ITGA9: variants seen among roughly 807,000 people sequenced by gnomAD.
ITGA9 encodes integrin alpha-9.
In ITGA9, 56 loss-of-function variants were observed where a neutral mutation model predicts 127.8. The ratio of observed to expected loss-of-function variants is 0.44; its 90% confidence interval spans 0.35 to 0.55. ITGA9 has a LOEUF of 0.55. Among genes scored for constraint, ITGA9 ranks in the 20% least tolerant of loss-of-function variants. ITGA9 has a pLI of 0.00. For synonymous variants in ITGA9, 508 were observed against 514.5 expected (o/e 0.99, Z 0.17); for missense variants, 1,196 against 1,347.1 (o/e 0.89, Z 1.76).
intron 26 of ITGA9, among the ~76,000 whole-genome samples, chr3:37,791,368 T>C (rs561215542): frequency 6.6e-6 from 1 of 152,312 alleles, no homozygotes. Flanking sequence ...CTGAGGTCTT[T>C]GGTGACAGCT....
At chr3:37,730,990 G>A (rs181624330) in intron 18 of ITGA9, among the ~76,000 whole-genome samples, 1 of 152,310 alleles carries the variant, frequency 6.6e-6, no homozygotes, top group East Asian at 1.9e-4. Context: ...TTGCAGTGGG[G>A]ACAGACATAT....
chr3:37,777,131 T>C (rs547351221), intron 23 of ITGA9, among the ~76,000 whole-genome samples: 1 of 152,322 alleles, frequency 6.6e-6, no homozygotes, highest in East Asian at 1.9e-4. Context: ...GTCTTCCTAT[T>C]TCCTAGTCAC....
At chr3:37,702,612 C>G (rs560073468) in intron 18 of ITGA9, among the ~76,000 whole-genome samples, 94 of 152,146 alleles carry the variant, frequency 6.2e-4, no homozygotes, top group African/African-American at 2.2e-3. Context: ...TGGCTGCTCT[C>G]TGGGGTTAAG....
At chr3:37,545,988 C>T (rs144082101) in intron 15 of ITGA9, among the ~76,000 whole-genome samples, 1 of 152,152 alleles carries the variant, frequency 6.6e-6, no homozygotes, top group African/African-American at 2.4e-5. Context: ...CCATCTACCA[C>T]CTGCATGATT....
chr3:37,637,285 T>C (rs960483538), intron 16 of ITGA9, among the ~76,000 whole-genome samples: 2 of 152,236 alleles, frequency 1.3e-5, no homozygotes, highest in African/African-American at 4.8e-5. Flanking sequence ...TTCTTCCGTT[T>C]GTTTGTATCC....
In ITGA9 at chr3:37,779,992, A is replaced by C. The variant is rs1352146750; in HGVS notation, c.2758A>C (p.Met920Leu). ...KEESRTIDIY[M>L]LLNTEILKKD... ...AGAAAGTCGTACTATAGACATTTAC[A>C]TGCTGCTGAACACAGAAATACTGAA... Residue 920 changes from methionine to leucine, a missense_variant, in exon 25 of 28, where the codon ATG becomes CTG. Coordinates refer to ENST00000264741, the MANE Select transcript of ITGA9 (RefSeq NM_002207.3). 2 of 1,614,148 alleles carry C rather than the reference A, an allele frequency of 1.2e-6. No homozygotes were observed. Among genetic ancestry groups the C allele is most frequent in the Non-Finnish European group, 1.7e-6 (2 of 1,179,996 alleles).
At chr3:37,759,071 A>G (rs1425873995) in intron 23 of ITGA9, among the ~76,000 whole-genome samples, 1 of 135,190 alleles carries the variant, frequency 7.4e-6, no homozygotes, top group Non-Finnish European at 1.6e-5. Flanking sequence ...ATACATATAT[A>G]TATACCCACA....
intron 5 of ITGA9, among the ~76,000 whole-genome samples, chr3:37,496,272 G>A (rs1249293708): frequency 2.6e-5 from 4 of 152,036 alleles, no homozygotes; most frequent in South Asian, 2.1e-4. Flanking sequence ...CCCCCATTCC[G>A]CACCCTCAGT....
chr3:37,735,813 G>A (rs552323587), intron 19 of ITGA9, among the ~76,000 whole-genome samples: 9 of 152,304 alleles, frequency 5.9e-5, no homozygotes, highest in East Asian at 1.9e-4. Context: ...TGAAATTATC[G>A]TGGGTGATAC....
chr3:37,786,028 TTGAGGGGGG>T (rs1208428705), intron 26 of ITGA9, among the ~76,000 whole-genome samples: 5 of 149,222 alleles, frequency 3.4e-5, no homozygotes, highest in African/African-American at 1.2e-4. Flanking sequence ...TTGAGGGGGG[TTGAGGGGGG>T]TTCATCCTGT....
intron 15 of ITGA9, among the ~76,000 whole-genome samples, chr3:37,561,406 C>A (rs550780468): frequency 1.3e-5 from 2 of 152,082 alleles, no homozygotes; most frequent in Non-Finnish European, 2.9e-5. Context: ...TTGGGATTGT[C>A]GTAAGGAGGC....
chr3:37,710,162 A>G (rs1701062489), intron 18 of ITGA9, among the ~76,000 whole-genome samples: 1 of 152,214 alleles, frequency 6.6e-6, no homozygotes, highest in African/African-American at 2.4e-5. Flanking sequence ...CCCAGGGGAC[A>G]CTTATGTGAG....
At chr3:37,550,098 A>G (rs1024278143) in intron 15 of ITGA9, among the ~76,000 whole-genome samples, 7 of 152,174 alleles carry the variant, frequency 4.6e-5, no homozygotes, top group African/African-American at 1.7e-4. Context: ...GGCATAGAAG[A>G]GTGAAGGGAC....
chr3:37,638,472 A>G (rs1700301984), intron 16 of ITGA9, among the ~76,000 whole-genome samples: 1 of 147,572 alleles, frequency 6.8e-6, no homozygotes, highest in Admixed American at 6.8e-5. Flanking sequence ...AAAAAAAAAG[A>G]TAATCTTCCA....
At chr3:37,512,274 C>T (rs1364373080) in intron 8 of ITGA9, among the ~76,000 whole-genome samples, 1 of 149,160 alleles carries the variant, frequency 6.7e-6, no homozygotes, top group African/African-American at 2.5e-5. Context: ...GGCTAGAGTG[C>T]AGTGGCATGA....
chr3:37,673,487 C>T (rs906736620), intron 17 of ITGA9, among the ~76,000 whole-genome samples: 6 of 152,204 alleles, frequency 3.9e-5, no homozygotes, highest in Non-Finnish European at 8.8e-5. Context: ...CTTTAAGCAG[C>T]ATCTCTGGCA....
chr3:37,499,153 G>T (rs1166481258), intron 5 of ITGA9, among the ~76,000 whole-genome samples: 1 of 152,214 alleles, frequency 6.6e-6, no homozygotes, highest in Non-Finnish European at 1.5e-5. Context: ...TTCCTGGGAG[G>T]TTTATTTATT....
At chr3:37,478,879 C>A (rs1197308252) in intron 3 of ITGA9, among the ~76,000 whole-genome samples, 5 of 152,156 alleles carry the variant, frequency 3.3e-5, no homozygotes, top group Non-Finnish European at 7.3e-5. Context: ...TAGGAATTTT[C>A]CAAGATCACC....
chr3:37,612,379 T>C lies in ITGA9; in HGVS notation c.1690-16808T>C, dbSNP rs151212842. On this transcript the variant is annotated intron_variant, in intron 15 of 27. Transcript: ENST00000264741. ...GATATAATAATATACCAGCTTTTTC[T>C]TGATGCATGAAATAAGAAGATCTAC... is the stretch of plus-strand genomic sequence containing the variant. Among the ~76,000 whole-genome samples the C allele has an allele frequency of 3.9e-3, 594 of 152,304 alleles. 3 individuals carry two copies. Among genetic ancestry groups the C allele is most frequent in the African/African-American group, 0.014 (565 of 41,552 alleles).
Sources: allele counts gnomAD v4.1 joint callset (sites outside exome capture counted in the v4.1 genomes callset), GRCh38; gene constraint gnomAD v4.1.1; transcripts MANE v1.5; gene names NCBI Gene and HGNC (gene_info 2026-07-23, HGNC 2026-07-21).